The following PCDH15 variants were observed in gnomAD, a reference collection of about 807,000 sequenced individuals.
PCDH15 encodes protocadherin related 15, also known as protocadherin-15.
PCDH15 carries 129 observed loss-of-function variants against 178.5 expected under a neutral mutation model. That is an observed-to-expected ratio of 0.72 (90% CI 0.63 to 0.84). The LOEUF is 0.84. PCDH15 is among the 40% of genes least tolerant of loss of function. The pLI is 0.00. For missense variants in PCDH15, 2,230 were observed against 2,099.9 expected (o/e 1.06, Z -1.21); for synonymous variants, 800 against 732.0 (o/e 1.09, Z -1.50).
chr10:55,577,025 C>A (rs10825548), intron 2 of PCDH15, among the ~76,000 whole-genome samples: 47,022 of 151,866 alleles, frequency 0.31, 7,415 homozygotes, highest in African/African-American at 0.38. Context: ...AGGTGGATCA[C>A]AAGGTCAGGA....
At chr10:54,521,857 A>G (rs2138236061) in intron 3 of PCDH15, among the ~76,000 whole-genome samples, 1 of 152,178 alleles carries the variant, frequency 6.6e-6, no homozygotes, top group Non-Finnish European at 1.5e-5. Flanking sequence ...TGGGAGGCCG[A>G]GGCGGGTGGA....
At chr10:55,000,246 A>C (rs1212517428) in intron 2 of PCDH15, among the ~76,000 whole-genome samples, 2 of 152,160 alleles carry the variant, frequency 1.3e-5, no homozygotes, top group South Asian at 4.1e-4. Flanking sequence ...CCACCTGCTG[A>C]AGCGGCCATT....
chr10:54,961,557 C>G lies in PCDH15; in HGVS notation c.-79-64057G>C, dbSNP rs147373783. Among the ~76,000 whole-genome samples, 1,289 of 152,300 alleles carry G rather than the reference C, an allele frequency of 8.5e-3. 18 individuals are homozygous for G. Among genetic ancestry groups the G allele is most frequent in the African/African-American group, 0.03 (1,233 of 41,568 alleles). Reference sequence around the variant, plus strand: ...GGCCCACCCATGGCTGCCCATGGACCAATCAGCATGCACTTCCTCCCTTCT... The same window carrying G: ...GGCCCACCCATGGCTGCCCATGGACGAATCAGCATGCACTTCCTCCCTTCT... On this transcript the variant is annotated intron_variant, in intron 2 of 5. Transcript: ENST00000458638.
chr10:54,796,605 A>G (rs1458689294), intron 1 of PCDH15, among the ~76,000 whole-genome samples: 3 of 151,174 alleles, frequency 2.0e-5, no homozygotes, highest in African/African-American at 7.3e-5. Context: ...GTTCTTTTCT[A>G]AGTGTATATC....
At chr10:54,595,537 G>C (rs779295823) in intron 2 of PCDH15, among the ~76,000 whole-genome samples, 7 of 152,204 alleles carry the variant, frequency 4.6e-5, no homozygotes, top group Non-Finnish European at 8.8e-5. Context: ...CAAAAAGCCA[G>C]AGTGCCTTCT....
At chr10:54,640,793 T>C (rs1158353652) in intron 2 of PCDH15, among the ~76,000 whole-genome samples, 1 of 151,076 alleles carries the variant, frequency 6.6e-6, no homozygotes, top group African/African-American at 2.4e-5. Flanking sequence ...TTTTTAAGAG[T>C]CTTAGTGACA....
rs2077631332 is a variant in PCDH15, at chr10:54,467,800, ACTTTT to A, written c.157+60007_157+60011del. On this transcript the variant is annotated intron_variant, in intron 3 of 37. Coordinates refer to ENST00000644397, the MANE Select transcript of PCDH15 (RefSeq NM_001384140.1). ...TGTCAGTGAAGCAATCCAGTCTCAA[ACTTTT>A]CTTTGTTGGGAGACTTTTTATTGTT... 4.6e-5 allele frequency among the ~76,000 whole-genome samples: 7 copies of A among 151,610 alleles called. No homozygotes were observed. The South Asian group carries it at 1.5e-3, about 31-fold the overall frequency.
chr10:54,820,651 A>G (rs1383584567), intron 3 of PCDH15, among the ~76,000 whole-genome samples: 8 of 152,164 alleles, frequency 5.3e-5, no homozygotes, highest in Non-Finnish European at 1.5e-5. Flanking sequence ...ACTTTGTTTT[A>G]GAGTTCCTAC....
intron 2 of PCDH15, among the ~76,000 whole-genome samples, chr10:55,455,814 A>C (rs1042685398): frequency 1.3e-5 from 2 of 152,122 alleles, no homozygotes; most frequent in Non-Finnish European, 2.9e-5. Context: ...AGAAATGATA[A>C]CATATAATTT....
At chr10:53,858,870 G>A (rs1312276705) in intron 27 of PCDH15, among the ~76,000 whole-genome samples, 1 of 152,120 alleles carries the variant, frequency 6.6e-6, no homozygotes, top group Non-Finnish European at 1.5e-5. Context: ...TTGAGTTAAA[G>A]AGGATATAGA....
chr10:55,151,494 G>T (rs539225336), intron 2 of PCDH15, among the ~76,000 whole-genome samples: 1 of 151,928 alleles, frequency 6.6e-6, no homozygotes, highest in African/African-American at 2.4e-5. Context: ...CAAGAATGTA[G>T]ATATTCATTA....
chr10:55,531,039 C>T (rs974144009), intron 2 of PCDH15, among the ~76,000 whole-genome samples: 11 of 126,780 alleles, frequency 8.7e-5, no homozygotes, highest in African/African-American at 2.3e-4. Flanking sequence ...GTTTCAGCAC[C>T]GTTGTATTTT....
At chr10:55,497,627 G>A (rs1339059817) in intron 2 of PCDH15, among the ~76,000 whole-genome samples, 1 of 151,660 alleles carries the variant, frequency 6.6e-6, no homozygotes, top group Non-Finnish European at 1.5e-5. Flanking sequence ...AAAATTAACA[G>A]CATTTAAATC....
At chr10:55,041,550 A>T (rs541087268) in intron 2 of PCDH15, among the ~76,000 whole-genome samples, 1 of 151,506 alleles carries the variant, frequency 6.6e-6, no homozygotes, top group South Asian at 2.1e-4. Flanking sequence ...AATGTCCTGC[A>T]TTTTTTTTTC....
chr10:54,035,233 ACT>A (rs1268546898), intron 18 of PCDH15, among the ~76,000 whole-genome samples: 3 of 151,776 alleles, frequency 2.0e-5, no homozygotes, highest in African/African-American at 4.8e-5. Context: ...TTACAGGCAC[ACT>A]CTGTTTCATT....
intron 2 of PCDH15, among the ~76,000 whole-genome samples, chr10:55,455,931 G>A (rs1839541117): frequency 1.3e-5 from 2 of 152,084 alleles, no homozygotes; most frequent in South Asian, 4.1e-4. Context: ...CTTACACCGA[G>A]TTCCTACGTA....
chr10:54,831,844 G>C (rs1003217244), intron 3 of PCDH15, among the ~76,000 whole-genome samples: 6 of 151,790 alleles, frequency 4.0e-5, no homozygotes, highest in Admixed American at 6.6e-5. Context: ...ATAAATAAAA[G>C]ACAAAGTATA....
intron 2 of PCDH15, among the ~76,000 whole-genome samples, chr10:55,332,965 A>C (rs1844250571): frequency 6.6e-6 from 1 of 152,188 alleles, no homozygotes. Flanking sequence ...TAAGATGTGC[A>C]AGAGACAGAC....
At chr10:54,108,643 G>A (rs77195003) in intron 15 of PCDH15, among the ~76,000 whole-genome samples, 11,484 of 152,108 alleles carry the variant, frequency 0.075, 552 homozygotes, top group Middle Eastern at 0.13. Flanking sequence ...TGTGACCTAC[G>A]GTGACAATGG....
Sources: allele counts gnomAD v4.1 joint callset (sites outside exome capture counted in the v4.1 genomes callset), GRCh38; gene constraint gnomAD v4.1.1; transcripts MANE v1.5; gene names NCBI Gene and HGNC (gene_info 2026-07-23, HGNC 2026-07-21).